CCSER2: variants seen among roughly 807,000 people sequenced by gnomAD.
The protein encoded by CCSER2 is serine-rich coiled-coil domain-containing protein 2.
CCSER2 carries 46 observed loss-of-function variants against 92.3 expected under a neutral mutation model. The ratio of observed to expected loss-of-function variants is 0.50; its 90% CI spans 0.39 to 0.64. The LOEUF is 0.64. CCSER2 is among the 30% of genes least tolerant of loss of function. The pLI is 0.00. For missense variants in CCSER2, 1,244 were observed against 1,238.9 expected (o/e 1.00, Z -0.06); for synonymous variants, 433 against 431.4 (o/e 1.00, Z -0.04).
At chr10:84,420,285 C>T (rs980333676) in intron 4 of CCSER2, among the ~76,000 whole-genome samples, 4 of 152,072 alleles carry the variant, frequency 2.6e-5, no homozygotes, top group Non-Finnish European at 5.9e-5. Context: ...TGGGAACATC[C>T]CACATAAACA....
chr10:84,444,069 G>A (rs773520028), intron 6 of CCSER2, among the ~76,000 whole-genome samples: 7 of 151,984 alleles, frequency 4.6e-5, no homozygotes, highest in East Asian at 1.9e-4. Flanking sequence ...GTAGCAAACC[G>A]CTATGGCACA....
intron 6 of CCSER2, among the ~76,000 whole-genome samples, chr10:84,461,451 C>T (rs1846094869): frequency 1.3e-5 from 2 of 152,108 alleles, no homozygotes; most frequent in Non-Finnish European, 2.9e-5. Flanking sequence ...TTACTGTCCG[C>T]ATATGTTCCT....
intron 6 of CCSER2, among the ~76,000 whole-genome samples, chr10:84,444,132 A>G (rs535154880): frequency 6.6e-6 from 1 of 152,090 alleles, no homozygotes; most frequent in Non-Finnish European, 1.5e-5. Context: ...CCAGAAGTTA[A>G]AGTATAATAA....
intron 9 of CCSER2, among the ~76,000 whole-genome samples, chr10:84,483,136 T>C (rs932403986): frequency 1.2e-4 from 18 of 152,184 alleles, no homozygotes; most frequent in Non-Finnish European, 2.6e-4. Flanking sequence ...ATTAGGTTTT[T>C]GGTCACAGCA....
intron 3 of CCSER2, among the ~76,000 whole-genome samples, chr10:84,385,814 G>GT (rs1365158767): frequency 1.3e-5 from 2 of 152,034 alleles, no homozygotes; most frequent in African/African-American, 4.8e-5. Context: ...CCTACAGAAT[G>GT]TGAGAAAATA....
chr10:84,451,264 T>TGC (rs1554853083), intron 6 of CCSER2, among the ~76,000 whole-genome samples: 1 of 136,272 alleles, frequency 7.3e-6, no homozygotes, highest in Admixed American at 7.6e-5. Flanking sequence ...GTTTTTTTTT[T>TGC]TTGTTTTTTG....
chr10:84,507,292 A>G, intron 9 of CCSER2: 4 of 985,162 alleles, frequency 4.1e-6, no homozygotes, highest in Non-Finnish European at 4.8e-6. Context: ...GCCATTGGCA[A>G]GGAGTTGAGA....
At chr10:84,510,339 C>T (rs1198470425) in intron 9 of CCSER2, among the ~76,000 whole-genome samples, 1 of 152,170 alleles carries the variant, frequency 6.6e-6, no homozygotes, top group Non-Finnish European at 1.5e-5. Context: ...CCTGTGACCT[C>T]TCCAGGCAGG....
At chr10:84,417,669 A>G (rs1173058942) in intron 3 of CCSER2, 102 bp from the exon 4 acceptor site, 3 of 603,870 alleles carry the variant, frequency 5.0e-6, no homozygotes, top group Admixed American at 2.4e-5. Flanking sequence ...AGTGCAGATA[A>G]TGAGTGAATT....
At chr10:84,431,538 C>T (rs1014849084) in intron 5 of CCSER2, among the ~76,000 whole-genome samples, 2 of 152,004 alleles carry the variant, frequency 1.3e-5, no homozygotes, top group Non-Finnish European at 2.9e-5. Context: ...TTCAGGAGTT[C>T]AGGAACAGCC....
chr10:84,370,997 C>T lies in CCSER2; in HGVS notation c.-39-17C>T. On this transcript the variant is annotated splice_polypyrimidine_tract_variant and intron_variant, in intron 1 of 9. Coordinates refer to ENST00000372088, the MANE Select transcript of CCSER2 (RefSeq NM_001284240.2). ...TTATTTAGGAATGTTTAATGTACTTCTTTTTTCTCTTCACAGATTCTTTCA... is the reference window on the plus strand; with the variant it reads ...TTATTTAGGAATGTTTAATGTACTTTTTTTTTCTCTTCACAGATTCTTTCA... 8.8e-7 allele frequency: 1 copy of T among 1,137,276 alleles called. No individual in the cohort carries two copies. 70.4% of individuals were successfully genotyped at this position (1,137,276 alleles called of 1,614,324 possible).
At chr10:84,424,667 T>G (rs1242691785) in intron 4 of CCSER2, among the ~76,000 whole-genome samples, 1 of 150,450 alleles carries the variant, frequency 6.6e-6, no homozygotes, top group African/African-American at 2.4e-5. Flanking sequence ...TAAGCGAGGT[T>G]TTTTTTTTTA....
Position 84,516,615 on chromosome 10 carries a change from A to C in CCSER2, c.*2348A>C, listed in dbSNP as rs2131898476. On this transcript the variant is annotated 3_prime_UTR_variant, in exon 10 of 10. Coordinates refer to ENST00000372088, the MANE Select transcript of CCSER2 (RefSeq NM_001284240.2). ...CTTATCCTTAAGGGAAAAGTTCTAA[A>C]TTTTTAAATTTATTTTTAATTCCCT... is the stretch of plus-strand genomic sequence containing the variant. 6.6e-6 allele frequency: 1 copy of C among 152,282 alleles called. No homozygotes were observed. 9.4% of individuals were successfully genotyped at this position (152,282 alleles called of 1,614,324 possible).
chr10:84,475,024 T>C (rs1275300766), intron 8 of CCSER2, among the ~76,000 whole-genome samples: 2 of 152,236 alleles, frequency 1.3e-5, no homozygotes, highest in Non-Finnish European at 2.9e-5. Context: ...GGTCACAAGA[T>C]GTCTGTTGCT....
intron 1 of CCSER2, among the ~76,000 whole-genome samples, chr10:84,361,739 T>G (rs1845514753): frequency 6.6e-6 from 1 of 152,036 alleles, no homozygotes; most frequent in South Asian, 2.1e-4. Flanking sequence ...CGTTTTGGAT[T>G]TTTGGATTCT....
At chr10:84,419,236 AG>A (rs1843018414) in intron 4 of CCSER2, among the ~76,000 whole-genome samples, 1 of 152,138 alleles carries the variant, frequency 6.6e-6, no homozygotes, top group Non-Finnish European at 1.5e-5. Flanking sequence ...AAATAAAGTT[AG>A]ATTTGGTTAG....
rs139621701 is a variant in CCSER2 at position 84,366,267 on chromosome 10, C to T, written c.-39-4747C>T. On this transcript the variant is annotated intron_variant, in intron 1 of 9. Coordinates refer to ENST00000372088, the MANE Select transcript of CCSER2 (RefSeq NM_001284240.2). The stretch of plus-strand genomic sequence containing the variant: ...CCTCGGAATCCTTTTCAACATATTG[C>T]CCAAGGGAGCTATTACCAGTCAATC... 2.6e-5 allele frequency among the ~76,000 whole-genome samples: 4 copies of T among 152,140 alleles called. No homozygotes were observed. In the East Asian group the frequency reaches 7.7e-4, roughly 29 times the overall value.
intron 3 of CCSER2, among the ~76,000 whole-genome samples, chr10:84,383,636 A>G (rs924669145): frequency 6.6e-6 from 1 of 152,244 alleles, no homozygotes; most frequent in South Asian, 2.1e-4. Flanking sequence ...TCTAATGTGT[A>G]TTCACATATA....
chr10:84,412,558 G>T (rs1388128223), intron 3 of CCSER2, among the ~76,000 whole-genome samples: 1 of 152,106 alleles, frequency 6.6e-6, no homozygotes, highest in Non-Finnish European at 1.5e-5. Context: ...CCAACAGCAG[G>T]TCGTGGGGGG....
Sources: allele counts gnomAD v4.1 joint callset (sites outside exome capture counted in the v4.1 genomes callset), GRCh38; gene constraint gnomAD v4.1.1; transcripts MANE v1.5; gene names NCBI Gene and HGNC (gene_info 2026-07-23, HGNC 2026-07-21).